WDR11: variants seen among roughly 807,000 people sequenced by gnomAD.
WDR11 encodes WD repeat-containing protein 11.
In WDR11, 83 loss-of-function variants were observed where a neutral mutation model predicts 151.2. The observed-to-expected ratio is 0.55, with a 90% confidence interval of 0.46 to 0.66. The LOEUF is 0.66. Among genes scored for constraint, WDR11 ranks in the 30% least tolerant of loss-of-function variants. The pLI is 0.00. For synonymous variants in WDR11, 484 were observed against 533.1 expected (o/e 0.91, Z 1.27); for missense variants, 1,301 against 1,480.9 (o/e 0.88, Z 1.99).
At chr10:120,878,136 T>A (rs1402522985) in intron 11 of WDR11, among the ~76,000 whole-genome samples, 1 of 152,204 alleles carries the variant, frequency 6.6e-6, no homozygotes, top group Admixed American at 6.5e-5. Flanking sequence ...TGTCATTACA[T>A]TTGTAGATAA....
chr10:120,855,823 T>C (rs1157338641), intron 2 of WDR11, among the ~76,000 whole-genome samples: 3 of 152,200 alleles, frequency 2.0e-5, no homozygotes, highest in Non-Finnish European at 2.9e-5. Flanking sequence ...TTTAATGTTT[T>C]CATTGATAAT....
intron 11 of WDR11, among the ~76,000 whole-genome samples, chr10:120,874,227 G>T (rs7905370): frequency 0.61 from 72,007 of 117,134 alleles, 21,696 homozygotes; most frequent in African/African-American, 0.71. Flanking sequence ...GTTTTGTTTT[G>T]TTTTTTTTAA....
chr10:120,866,998 C>T, intron 8 of WDR11, 68 bp from the exon 9 acceptor site: 1 of 1,324,710 alleles, frequency 7.5e-7, no homozygotes, highest in Non-Finnish European at 1.1e-6. Flanking sequence ...GGACTTAATA[C>T]TTTGAATTCC....
At chr10:120,851,965 G>C (rs945705386) in intron 1 of WDR11, 4 of 233,420 alleles carry the variant, frequency 1.7e-5, no homozygotes, top group East Asian at 1.2e-4. Context: ...ACCTCTTTTC[G>C]GGCTCCTCCT....
chr10:120,902,402 CACTT>C (rs1199092341), intron 22 of WDR11, 80 bp downstream of exon 22: 1 of 1,277,904 alleles, frequency 7.8e-7, no homozygotes, highest in African/African-American at 1.5e-5. Context: ...TAGTTAGAAA[CACTT>C]AGATTTTAGA....
At chr10:120,903,470 A>T (rs1847910247) in intron 23 of WDR11, among the ~76,000 whole-genome samples, 1 of 151,462 alleles carries the variant, frequency 6.6e-6, no homozygotes, top group Admixed American at 6.6e-5. Context: ...AGATCACGCC[A>T]CTGCATTCCA....
At chr10:120,887,944 T>A (rs963192471) in intron 16 of WDR11, among the ~76,000 whole-genome samples, 8 of 152,154 alleles carry the variant, frequency 5.3e-5, no homozygotes, top group South Asian at 2.1e-4. Flanking sequence ...TATTTTTTTT[T>A]ATTAATGGAC....
Position 120,908,937 on chromosome 10 carries a change from T to C in WDR11, c.*224T>C, listed in dbSNP as rs1045239051. ...GAAAGAACGTGAATGCTTAAGATTT[T>C]GAAAGTACATAATATTTTATACTTT... On this transcript the variant is annotated 3_prime_UTR_variant, in exon 29 of 29. Transcript: ENST00000263461. The C allele has an allele frequency of 3.5e-6, 2 of 573,024 alleles. No individual in the cohort carries two copies. Among genetic ancestry groups the C allele is most frequent in the African/African-American group, 3.8e-5 (2 of 53,280 alleles). The allele number at this position is 573,024 out of a possible 1,614,324, so 35.5% of individuals were successfully genotyped here.
In WDR11 at chr10:120,865,747, G is replaced by A. The variant is rs772435610; in HGVS notation, c.994+3G>A. ...TACCACTTCAAATGAGGAACCAGGT[G>A]AGTTTCTGTCTCACAATAATGTTAT... On this transcript the variant is annotated splice_donor_region_variant and intron_variant, in intron 7 of 28. Transcript: ENST00000263461. The A allele has an allele frequency of 1.5e-5, 24 of 1,573,062 alleles. No homozygotes were observed. The highest frequency in any genetic ancestry group is 2.0e-5 in the Non-Finnish European group (23 of 1,145,154).
chr10:120,872,200 C>T (rs778390675), intron 10 of WDR11, among the ~76,000 whole-genome samples: 2 of 152,074 alleles, frequency 1.3e-5, no homozygotes, highest in South Asian at 4.1e-4. Context: ...TTTGGTAGTA[C>T]CCTTCTGTTT....
intron 19 of WDR11, among the ~76,000 whole-genome samples, chr10:120,893,990 C>A (rs1847516285): frequency 6.6e-6 from 1 of 151,412 alleles, no homozygotes; most frequent in African/African-American, 2.4e-5. Context: ...ATGGTAGTTT[C>A]TTTTGCTGTG....
At chr10:120,877,246 ACT>A (rs1396394977) in intron 11 of WDR11, among the ~76,000 whole-genome samples, 2 of 152,158 alleles carry the variant, frequency 1.3e-5, no homozygotes, top group African/African-American at 4.8e-5. Flanking sequence ...TGGGATACTA[ACT>A]CTGAGGGATA....
intron 25 of WDR11, 76 bp from the exon 26 acceptor site, chr10:120,905,243 G>T: frequency 7.0e-7 from 1 of 1,423,306 alleles, no homozygotes; most frequent in Non-Finnish European, 9.9e-7. Context: ...AAGGTCAAAT[G>T]GGGATTTAAC....
intron 27 of WDR11, 64 bp downstream of exon 27, chr10:120,906,085 G>A (rs1433769059): frequency 1.7e-5 from 28 of 1,611,714 alleles, no homozygotes; most frequent in East Asian, 1.3e-4. Context: ...ATGTTCTCTC[G>A]CGGTTCTAGC....
chr10:120,899,812 A>G, intron 19 of WDR11: 1 of 580,322 alleles, frequency 1.7e-6, no homozygotes. Flanking sequence ...AAATCAAAAA[A>G]GGGGGAAAAG....
chr10:120,902,305 G>A lies in WDR11; in HGVS notation c.2736G>A (p.Arg912=), dbSNP rs147563046. 11 of 1,613,806 alleles carry A rather than the reference G, an allele frequency of 6.8e-6. No individual in the cohort carries two copies. In the African/African-American group the frequency reaches 1.2e-4, roughly 18 times the overall value. ...ATCCAGAATTCACTCTCTTGCAGAGGTGCCTGCTTGTTTCAAGGTAATATT... is the reference window on the plus strand; with the variant it reads ...ATCCAGAATTCACTCTCTTGCAGAGATGCCTGCTTGTTTCAAGGTAATATT... The part of the protein sequence containing the change: ...LLDPEFTLLQ[R]CLLVSRLYGD... Residue 912 remains arginine (R), a synonymous_variant, in exon 22 of 29, where the codon AGG becomes AGA. Coordinates refer to ENST00000263461, the MANE Select transcript of WDR11 (RefSeq NM_018117.12).
In WDR11 at chr10:120,860,257, C is replaced by A. The variant is rs1278145533; in HGVS notation, c.501C>A (p.Asp167Glu). 6.2e-7 allele frequency: 1 copy of A among 1,613,894 alleles called. No individual in the cohort carries two copies. Among genetic ancestry groups the A allele is most frequent in the Non-Finnish European group, 8.5e-7 (1 of 1,180,028 alleles). ...YADNILSFSF[D>E]PFDPSHLTLL... is the part of the protein sequence containing the mutation. ...ATAACATTCTTTCTTTTTCTTTTGA[C>A]CCTTTTGATCCCTCACATTTAACTT... Residue 167 changes from aspartate (D) to glutamate (E), a missense_variant, in exon 4 of 29, where the codon GAC becomes GAA. By Grantham distance (45) the Asp-to-Glu change is conservative (BLOSUM62 2). This residue lies in a region of WDR11 where 692 missense variants were observed against 762.5 expected (regional missense o/e 0.91). Transcript: ENST00000263461.
At chr10:120,897,323 T>C (rs989935743) in intron 19 of WDR11, among the ~76,000 whole-genome samples, 15 of 152,208 alleles carry the variant, frequency 9.9e-5, no homozygotes, top group Admixed American at 6.5e-5. Context: ...ATTAATTGTA[T>C]ACACAAGCAA....
chr10:120,860,617 A>C (rs903288917), intron 4 of WDR11, among the ~76,000 whole-genome samples: 3 of 152,208 alleles, frequency 2.0e-5, no homozygotes, highest in Admixed American at 6.5e-5. Context: ...AACTTGAATC[A>C]AGGGTTTCAT....
Sources: allele counts gnomAD v4.1 joint callset (sites outside exome capture counted in the v4.1 genomes callset), GRCh38; gene constraint gnomAD v4.1.1; regional missense constraint gnomAD v4.1.1; transcripts MANE v1.5; gene names NCBI Gene and HGNC (gene_info 2026-07-23, HGNC 2026-07-21).